FHL2: variants seen among roughly 807,000 people sequenced by gnomAD.
FHL2 encodes four and a half LIM domains 2, also known as four and a half LIM domains protein 2.
Under a neutral mutation model 32.7 loss-of-function variants are expected in FHL2, and 20 were observed. The observed-to-expected ratio is 0.61, with a 90% CI of 0.43 to 0.89. FHL2 has a LOEUF of 0.89. Ranked by LOEUF, FHL2 falls within the 40% of genes least tolerant of loss-of-function variation. The pLI is 0.00. For synonymous variants in FHL2, 123 were observed against 128.1 expected (o/e 0.96, Z 0.27); for missense variants, 311 against 358.6 (o/e 0.87, Z 1.07).
rs960931272 is a variant in FHL2 at position 105,431,827 on chromosome 2, C to A, written c.-25+6572G>T. Among the ~76,000 whole-genome samples the A allele has an allele frequency of 4.6e-5, 7 of 152,254 alleles. 1 individual carries two copies. Among genetic ancestry groups the A allele is most frequent in the Admixed American group, 3.9e-4 (6 of 15,284 alleles). On this transcript the variant is annotated intron_variant, in intron 1 of 5. Coordinates refer to the FHL2 transcript ENST00000393352. ...CCTGGCTGCTCCTGCCCAAGGCTGG[C>A]GGAGGTTTGCTGACACTTCCCAGGA...
intron 3 of FHL2, among the ~76,000 whole-genome samples, chr2:105,384,618 G>A (rs1247508027): frequency 1.3e-5 from 2 of 152,040 alleles, no homozygotes; most frequent in Non-Finnish European, 2.9e-5. Context: ...AGTGATTCTC[G>A]TGCCTCAGCC....
chr2:105,364,042 A>G (rs1166222143), intron 5 of FHL2, among the ~76,000 whole-genome samples: 1 of 152,182 alleles, frequency 6.6e-6, no homozygotes, highest in African/African-American at 2.4e-5. Flanking sequence ...GGATCACTTG[A>G]GGTCAGGAGT....
At chr2:105,424,860 A>G (rs1684210244) in intron 1 of FHL2, among the ~76,000 whole-genome samples, 1 of 152,164 alleles carries the variant, frequency 6.6e-6, no homozygotes, top group Non-Finnish European at 1.5e-5. Context: ...ATCACACACC[A>G]GGACCTGTCA....
chr2:105,401,550 A>G (rs561023720), upstream of FHL2, among the ~76,000 whole-genome samples: 25 of 152,268 alleles, frequency 1.6e-4, no homozygotes, highest in Non-Finnish European at 2.8e-4. Context: ...TATCTTGTAG[A>G]TATACTTGCT....
At chr2:105,414,411 C>T (rs1053699924) in intron 1 of FHL2, among the ~76,000 whole-genome samples, 5 of 152,116 alleles carry the variant, frequency 3.3e-5, no homozygotes, top group African/African-American at 1.2e-4. Flanking sequence ...AAGTCCCAAC[C>T]CTCTAGTCAT....
intron 1 of FHL2, among the ~76,000 whole-genome samples, chr2:105,430,495 C>T (rs1294499978): frequency 1.3e-5 from 2 of 152,128 alleles, no homozygotes; most frequent in Non-Finnish European, 1.5e-5. Context: ...GGTGTAACCT[C>T]GTCTCTACTA....
chr2:105,374,338 G>T (rs547005950), intron 3 of FHL2: 5,855 of 156,364 alleles, frequency 0.037, 332 homozygotes, highest in African/African-American at 0.13. Flanking sequence ...GGGACGGGGG[G>T]CATGTCAGAT....
intron 2 of FHL2, 92 bp downstream of exon 2, chr2:105,396,555 G>A (rs555679641): frequency 1.7e-5 from 20 of 1,150,476 alleles, no homozygotes; most frequent in Non-Finnish European, 2.3e-5. Context: ...GCACCGCATG[G>A]CCCAGTCAAG....
chr2:105,402,246 T>C (rs1374188265), upstream of FHL2, among the ~76,000 whole-genome samples: 1 of 147,370 alleles, frequency 6.8e-6, no homozygotes, highest in African/African-American at 2.6e-5. Context: ...TGTGTGTGTG[T>C]GTATATATAT....
chr2:105,409,938 C>T (rs866302911), intron 1 of FHL2, among the ~76,000 whole-genome samples: 9 of 152,228 alleles, frequency 5.9e-5, no homozygotes, highest in South Asian at 2.1e-4. Context: ...GTGCCAAGTA[C>T]GCTGGAATGA....
intron 4 of FHL2, among the ~76,000 whole-genome samples, chr2:105,370,034 AG>A (rs1680917355): frequency 1.3e-5 from 2 of 152,222 alleles, no homozygotes; most frequent in Admixed American, 6.5e-5. Flanking sequence ...AGTCTCCCGC[AG>A]GCGGAAGCGC....
intron 2 of FHL2, among the ~76,000 whole-genome samples, chr2:105,388,595 G>C (rs1484660360): frequency 6.6e-6 from 1 of 151,898 alleles, no homozygotes. Flanking sequence ...GGCCGAGACA[G>C]GTGGATCACC....
intron 1 of FHL2, among the ~76,000 whole-genome samples, chr2:105,412,207 GAAC>G (rs1398753484): frequency 6.6e-6 from 1 of 152,206 alleles, no homozygotes; most frequent in Non-Finnish European, 1.5e-5. Flanking sequence ...GTGAATGCGT[GAAC>G]AACATGTAGT....
upstream of FHL2, chr2:105,399,189 CCCG>C (rs1189919797): frequency 7.0e-7 from 1 of 1,421,198 alleles, no homozygotes; most frequent in Non-Finnish European, 9.1e-7. Flanking sequence ...TTGCCGTGCC[CCCG>C]CCCCGGGCTG....
intron 3 of FHL2, among the ~76,000 whole-genome samples, chr2:105,383,097 G>A (rs2104573510): frequency 6.6e-6 from 1 of 152,282 alleles, no homozygotes; most frequent in East Asian, 1.9e-4. Flanking sequence ...TGTTGGCCAG[G>A]CTGGTCTCCA....
chr2:105,376,535 T>C (rs898516319), intron 3 of FHL2: 2 of 152,240 alleles, frequency 1.3e-5, no homozygotes, highest in Admixed American at 1.3e-4. Context: ...ATGGAGATTT[T>C]ATTCATGTTA....
intron 1 of FHL2, among the ~76,000 whole-genome samples, chr2:105,420,445 C>T (rs1684066500): frequency 6.6e-6 from 1 of 152,174 alleles, no homozygotes; most frequent in Non-Finnish European, 1.5e-5. Flanking sequence ...AACCCCATTT[C>T]CGAATAAGGC....
intron 1 of FHL2, among the ~76,000 whole-genome samples, chr2:105,406,785 G>A (rs1395452148): frequency 6.6e-6 from 1 of 152,224 alleles, no homozygotes; most frequent in Admixed American, 6.5e-5. Flanking sequence ...CACTCTCTTT[G>A]CACCTCACAT....
At chr2:105,399,067 T>A (rs1165019582), upstream of FHL2, 2 of 1,489,960 alleles carry the variant, frequency 1.3e-6, no homozygotes, top group Non-Finnish European at 1.8e-6. Context: ...GCTGCGCAGC[T>A]CCCGCCCTCG....
Sources: allele counts gnomAD v4.1 joint callset (sites outside exome capture counted in the v4.1 genomes callset), GRCh38; gene constraint gnomAD v4.1.1; transcripts MANE v1.5; gene names NCBI Gene and HGNC (gene_info 2026-07-23, HGNC 2026-07-21).